The following SGCG variants were observed in gnomAD, a reference collection of about 807,000 sequenced individuals.
SGCG encodes gamma-sarcoglycan.
A neutral mutation model predicts 29.3 loss-of-function variants in SGCG; 26 were observed. The observed-to-expected ratio is 0.89, with a 90% CI of 0.65 to 1.23. The LOEUF is 1.23. SGCG is among the 50% of genes most tolerant of loss of function. SGCG has a pLI of 0.00. For synonymous variants in SGCG, 145 were observed against 129.7 expected (o/e 1.12, Z -0.80); for missense variants, 353 against 356.0 (o/e 0.99, Z 0.07).
At chr13:23,216,815 AATTG>A (rs1219722725) in intron 2 of SGCG, among the ~76,000 whole-genome samples, 6 of 152,110 alleles carry the variant, frequency 3.9e-5, no homozygotes, top group South Asian at 2.1e-4. Context: ...GATGTGGACT[AATTG>A]ATTGATTGTA....
intron 1 of SGCG, among the ~76,000 whole-genome samples, chr13:23,198,445 G>A (rs4609687): frequency 0.23 from 34,375 of 152,122 alleles, 4,190 homozygotes; most frequent in East Asian, 0.35. Context: ...AGAAGCATAT[G>A]AAAGCAGATA....
chr13:23,253,313 G>C (rs1774417567), intron 4 of SGCG, among the ~76,000 whole-genome samples: 1 of 152,150 alleles, frequency 6.6e-6, no homozygotes, highest in Admixed American at 6.5e-5. Flanking sequence ...TCAATCTCTA[G>C]TTTTAACCTT....
At chr13:23,263,310 C>T (rs78599464) in intron 4 of SGCG, among the ~76,000 whole-genome samples, 5,669 of 152,104 alleles carry the variant, frequency 0.037, 374 homozygotes, top group African/African-American at 0.13. Context: ...CAACTGACAT[C>T]ACAGAAATAC....
At chr13:23,191,377 A>G (rs1877241392) in intron 1 of SGCG, among the ~76,000 whole-genome samples, 1 of 152,204 alleles carries the variant, frequency 6.6e-6, no homozygotes, top group Non-Finnish European at 1.5e-5. Flanking sequence ...AGAGACAGCA[A>G]GGAGAACTTC....
At chr13:23,308,857 C>T (rs982702480) in intron 6 of SGCG, among the ~76,000 whole-genome samples, 1 of 152,126 alleles carries the variant, frequency 6.6e-6, no homozygotes, top group Admixed American at 6.5e-5. Flanking sequence ...AACTACCATG[C>T]CTGGACTGTT....
At chr13:23,285,924 C>G (rs1319855877) in intron 5 of SGCG, among the ~76,000 whole-genome samples, 1 of 152,194 alleles carries the variant, frequency 6.6e-6, no homozygotes. Flanking sequence ...TTGGCTCACC[C>G]TCCGTGGGCT....
chr13:23,293,676 C>T (rs1017282570), intron 5 of SGCG, among the ~76,000 whole-genome samples: 1 of 152,110 alleles, frequency 6.6e-6, no homozygotes, highest in Admixed American at 6.5e-5. Context: ...ACTAAAAATA[C>T]AAAATATTAG....
intron 7 of SGCG, among the ~76,000 whole-genome samples, chr13:23,322,149 GCT>G (rs1357216793): frequency 6.6e-6 from 1 of 152,126 alleles, no homozygotes; most frequent in African/African-American, 2.4e-5. Flanking sequence ...CTTGTACATA[GCT>G]CTGTCTTACC....
intron 2 of SGCG, among the ~76,000 whole-genome samples, chr13:23,206,796 A>G (rs966817689): frequency 2.6e-5 from 4 of 152,242 alleles, no homozygotes; most frequent in African/African-American, 9.6e-5. Flanking sequence ...CAACTATAAA[A>G]TAACTGATGA....
chr13:23,283,451 C>CT lies in SGCG; in HGVS notation c.505+3979dup, dbSNP rs546171918. Among the ~76,000 whole-genome samples, 330 of 152,106 alleles carry CT rather than the reference C, an allele frequency of 2.2e-3. 2 individuals carry two copies. Among genetic ancestry groups the CT allele is most frequent in the African/African-American group, 7.7e-3 (319 of 41,550 alleles). ...ACTAGGAATGTAATCCCTGCTTTAT[C>CT]TTTTTTCCATTTGCTTGGCAGCTCT... is the stretch of plus-strand genomic sequence containing the variant. On this transcript the variant is annotated intron_variant, in intron 5 of 7. Coordinates refer to ENST00000218867, the MANE Select transcript of SGCG (RefSeq NM_000231.3).
At chr13:23,212,924 A>G (rs558019431) in intron 2 of SGCG, among the ~76,000 whole-genome samples, 16 of 152,258 alleles carry the variant, frequency 1.1e-4, no homozygotes, top group African/African-American at 3.1e-4. Context: ...ATTCTTTCCC[A>G]TATTATCTCC....
intron 2 of SGCG, among the ~76,000 whole-genome samples, chr13:23,221,204 C>T (rs867931812): frequency 1.3e-5 from 2 of 151,920 alleles, no homozygotes; most frequent in East Asian, 1.9e-4. Context: ...ACTAAAAACA[C>T]GAAACCCTGA....
At chr13:23,261,138 C>A (rs1414146085) in intron 4 of SGCG, among the ~76,000 whole-genome samples, 1 of 152,060 alleles carries the variant, frequency 6.6e-6, no homozygotes, top group African/African-American at 2.4e-5. Context: ...ATTTTTCCAG[C>A]ATGATTCCAT....
intron 2 of SGCG, among the ~76,000 whole-genome samples, chr13:23,215,249 C>G (rs1470923024): frequency 1.3e-5 from 2 of 152,182 alleles, no homozygotes; most frequent in African/African-American, 4.8e-5. Flanking sequence ...GCTCCAGATG[C>G]AGATCTATTC....
intron 7 of SGCG, 30 bp from the exon 8 acceptor site, chr13:23,324,338 A>G (rs967539380): frequency 1.2e-6 from 2 of 1,612,448 alleles, no homozygotes; most frequent in East Asian, 2.2e-5. Flanking sequence ...CCCTTCCTTA[A>G]CTCTTCGTCT....
chr13:23,206,812 T>A (rs1260975098), intron 2 of SGCG, among the ~76,000 whole-genome samples: 2 of 152,166 alleles, frequency 1.3e-5, no homozygotes, highest in African/African-American at 4.8e-5. Context: ...GATGAAAAAA[T>A]TAAAGACACA....
chr13:23,279,773 G>T (rs577738036), intron 5 of SGCG, among the ~76,000 whole-genome samples: 1 of 135,986 alleles, frequency 7.4e-6, no homozygotes, highest in African/African-American at 2.5e-5. Flanking sequence ...TGTTGCCCAG[G>T]CTGGAGTGCA....
intron 1 of SGCG, among the ~76,000 whole-genome samples, chr13:23,188,386 A>C (rs1877083332): frequency 1.6e-5 from 2 of 128,334 alleles, no homozygotes; most frequent in East Asian, 4.7e-4. Flanking sequence ...AGTGCAATGG[A>C]GCGATCTCGG....
chr13:23,318,029 T>C (rs2137523041), intron 6 of SGCG, among the ~76,000 whole-genome samples: 1 of 152,312 alleles, frequency 6.6e-6, no homozygotes, highest in Non-Finnish European at 1.5e-5. Context: ...CCTACATCTT[T>C]TTGTCATGCT....
Sources: allele counts gnomAD v4.1 joint callset (sites outside exome capture counted in the v4.1 genomes callset), GRCh38; gene constraint gnomAD v4.1.1; transcripts MANE v1.5; gene names NCBI Gene and HGNC (gene_info 2026-07-23, HGNC 2026-07-21).